The following ANK2 variants were observed in gnomAD, a reference collection of about 807,000 sequenced individuals.
ANK2 encodes ankyrin 2.
In ANK2, 83 loss-of-function variants were observed where a neutral mutation model predicts 360.5. The observed-to-expected ratio is 0.23, with a 90% CI of 0.19 to 0.28. The LOEUF is 0.28. ANK2 is among the 10% of genes least tolerant of loss of function. The probability of loss-of-function intolerance (pLI) is 1.00; values close to 1 mark genes in which losing one functional copy is unlikely to be tolerated. For synonymous variants in ANK2, 1,740 were observed against 1,759.5 expected, an observed-to-expected ratio of 0.99 and a Z score of 0.28; for missense variants, 4,201 against 4,795.7, an observed-to-expected ratio of 0.88 and a Z score of 3.66.
intron 2 of ANK2, among the ~76,000 whole-genome samples, chr4:113,012,700 A>G (rs928817827): frequency 6.6e-6 from 1 of 152,194 alleles, no homozygotes; most frequent in Admixed American, 6.5e-5. Flanking sequence ...AGCTATAACA[A>G]TATAAAATTC....
intron 1 of ANK2, among the ~76,000 whole-genome samples, chr4:113,170,897 G>A (rs552764801): frequency 6.6e-6 from 1 of 152,138 alleles, no homozygotes; most frequent in African/African-American, 2.4e-5. Flanking sequence ...GATTAAAATA[G>A]GTGGGGCTCA....
intron 2 of ANK2, among the ~76,000 whole-genome samples, chr4:112,991,415 G>A (rs2046747515): frequency 6.6e-6 from 1 of 151,944 alleles, no homozygotes; most frequent in Admixed American, 6.6e-5. Flanking sequence ...CCACAGATAG[G>A]GTGGCTTAAA....
rs201864524 is a variant in ANK2 at position 113,277,519 on chromosome 4, C to CT, written c.1684-311dup. Reference sequence around the variant, plus strand: ...TATTAATTTTAGAGGCAAGAAAAGGCTTTTTTTCCCCATTCACAAATTGGA... The same window carrying CT: ...TATTAATTTTAGAGGCAAGAAAAGGCTTTTTTTTCCCCATTCACAAATTGGA... On this transcript the variant is annotated intron_variant, in intron 15 of 45. Coordinates refer to ENST00000357077, the MANE Select transcript of ANK2 (RefSeq NM_001148.6). Among the ~76,000 whole-genome samples, 466 of 150,658 alleles carry CT rather than the reference C, an allele frequency of 3.1e-3. 8 individuals carry two copies. The East Asian group carries it at 0.048, about 15-fold the overall frequency.
At chr4:112,986,103 G>C (rs576625872) in intron 2 of ANK2, among the ~76,000 whole-genome samples, 2 of 103,418 alleles carry the variant, frequency 1.9e-5, no homozygotes, top group East Asian at 7.8e-4. Context: ...TATATAGTAT[G>C]TCTGGTTAGT....
chr4:113,117,464 A>G (rs1238257196), intron 1 of ANK2: 2 of 452,946 alleles, frequency 4.4e-6, no homozygotes, highest in African/African-American at 2.0e-5. Flanking sequence ...AGCTCTGTGT[A>G]GCACCATCAG....
chr4:113,296,415 T>G (rs1235996982), intron 22 of ANK2, among the ~76,000 whole-genome samples: 2 of 152,168 alleles, frequency 1.3e-5, no homozygotes, highest in African/African-American at 4.8e-5. Flanking sequence ...CCTGCACAAC[T>G]GACATACTAA....
intron 26 of ANK2, among the ~76,000 whole-genome samples, chr4:113,326,005 T>C (rs546735652): frequency 2.1e-4 from 32 of 152,348 alleles, no homozygotes; most frequent in African/African-American, 7.5e-4. Flanking sequence ...CTTGTCCCAT[T>C]TTTAATCTCC....
chr4:113,256,957 A>G (rs1376192622), intron 11 of ANK2, among the ~76,000 whole-genome samples: 1 of 152,256 alleles, frequency 6.6e-6, no homozygotes, highest in Admixed American at 6.5e-5. Context: ...CAGCCTGTTA[A>G]TTGCAAATAT....
chr4:112,724,719 G>A, the ANK2 span, among the ~76,000 whole-genome samples: 1 of 152,034 alleles, frequency 6.6e-6, no homozygotes, highest in Non-Finnish European at 1.5e-5. Flanking sequence ...ATAAATAATC[G>A]TTTAGCCACT....
intron 2 of ANK2, among the ~76,000 whole-genome samples, chr4:112,917,121 G>T (rs187159804): frequency 6.1e-4 from 93 of 152,304 alleles, no homozygotes; most frequent in African/African-American, 2.2e-3. Flanking sequence ...TAGACCTCAC[G>T]GTTTGTGGAC....
At chr4:113,094,386 A>G (rs2090017577) in intron 1 of ANK2, among the ~76,000 whole-genome samples, 1 of 152,214 alleles carries the variant, frequency 6.6e-6, no homozygotes, top group African/African-American at 2.4e-5. Context: ...AGACGTTCTC[A>G]AAGGAACCAT....
intron 17 of ANK2, among the ~76,000 whole-genome samples, chr4:113,281,608 C>T (rs2062395678): frequency 6.6e-6 from 1 of 152,134 alleles, no homozygotes; most frequent in Non-Finnish European, 1.5e-5. Context: ...CTCTCTTTCC[C>T]TTCAGCATGT....
chr4:112,827,460 T>C, intron 1 of ANK2: 1 of 1,368,274 alleles, frequency 7.3e-7, no homozygotes, highest in Non-Finnish European at 1.0e-6. Flanking sequence ...ACAACCTTCT[T>C]GCTTCTGGGA....
the ANK2 span, among the ~76,000 whole-genome samples, chr4:112,785,475 G>A: frequency 2.0e-5 from 3 of 151,336 alleles, no homozygotes; most frequent in African/African-American, 7.3e-5. Flanking sequence ...CTGGGTTCAA[G>A]TGATTCTCCT....
chr4:113,101,810 G>T (rs533424900), intron 1 of ANK2, among the ~76,000 whole-genome samples: 1 of 152,212 alleles, frequency 6.6e-6, no homozygotes, highest in African/African-American at 2.4e-5. Flanking sequence ...ATTAAGGGAG[G>T]CTTCTATGAC....
chr4:113,263,473 T>C (rs1480305552), intron 13 of ANK2, among the ~76,000 whole-genome samples: 1 of 152,174 alleles, frequency 6.6e-6, no homozygotes, highest in African/African-American at 2.4e-5. Flanking sequence ...TTAGAGTAGA[T>C]ATCCAATTTA....
intron 4 of ANK2, 36 bp from the exon 5 acceptor site, chr4:113,232,124 AT>A (rs1321654845): frequency 6.3e-6 from 9 of 1,431,168 alleles, no homozygotes; most frequent in Non-Finnish European, 8.9e-6. Flanking sequence ...TCTTATACAA[AT>A]GATTGAAGGT....
At chr4:113,274,426 A>G in intron 14 of ANK2, 26 bp from the exon 15 acceptor site, 1 of 1,611,950 alleles carries the variant, frequency 6.2e-7, no homozygotes, top group South Asian at 1.1e-5. Flanking sequence ...GCCCGGCACT[A>G]ACTTTTTACT....
chr4:112,764,458 C>T, the ANK2 span, among the ~76,000 whole-genome samples: 1 of 151,858 alleles, frequency 6.6e-6, no homozygotes, highest in Non-Finnish European at 1.5e-5. Flanking sequence ...GCCTCAGCCT[C>T]CCAAGTAGCT....
Sources: allele counts gnomAD v4.1 joint callset (sites outside exome capture counted in the v4.1 genomes callset), GRCh38; gene constraint gnomAD v4.1.1; transcripts MANE v1.5; gene names NCBI Gene and HGNC (gene_info 2026-07-23, HGNC 2026-07-21).